ZNF475: variants seen among roughly 807,000 people sequenced by gnomAD.
ZNF475 encodes the protein zinc finger protein 475.
At chr5:122,173,645 A>G in the ZNF475 span, among the ~76,000 whole-genome samples, 9 of 152,232 alleles carry the variant, frequency 5.9e-5, no homozygotes, top group Admixed American at 5.9e-4. Flanking sequence ...GATAATTCCA[A>G]ATAGTGGCCA....
the ZNF475 span, among the ~76,000 whole-genome samples, chr5:122,168,582 C>G: frequency 6.6e-6 from 1 of 152,104 alleles, no homozygotes; most frequent in Non-Finnish European, 1.5e-5. Flanking sequence ...GCATGGCGGC[C>G]GGCGCCTGTA....
At chr5:122,169,816 A>G in the ZNF475 span, among the ~76,000 whole-genome samples, 2 of 152,210 alleles carry the variant, frequency 1.3e-5, no homozygotes, top group Non-Finnish European at 2.9e-5. Flanking sequence ...AAATAAGATG[A>G]CTAGTACCAT....
chr5:122,175,212 T>C, the ZNF475 span, among the ~76,000 whole-genome samples: 29 of 152,358 alleles, frequency 1.9e-4, no homozygotes, highest in African/African-American at 6.5e-4. Flanking sequence ...GATTTATTCA[T>C]CTAAAATCTC....
chr5:122,160,589 G>A, the ZNF475 span, among the ~76,000 whole-genome samples: 3 of 152,082 alleles, frequency 2.0e-5, no homozygotes, highest in Non-Finnish European at 2.9e-5. Context: ...AGCAAAAATA[G>A]GTGCTCTTTC....
chr5:122,181,641 T>A, the ZNF475 span, among the ~76,000 whole-genome samples: 1 of 152,356 alleles, frequency 6.6e-6, no homozygotes, highest in East Asian at 1.9e-4. Flanking sequence ...TAATCTATGT[T>A]GTGCCAAAGA....
chr5:122,167,696 A>T, the ZNF475 span, among the ~76,000 whole-genome samples: 1 of 152,222 alleles, frequency 6.6e-6, no homozygotes. Flanking sequence ...TCCTTTAAAC[A>T]TGTGCAATTC....
At chr5:122,176,697 T>C in the ZNF475 span, among the ~76,000 whole-genome samples, 2 of 152,216 alleles carry the variant, frequency 1.3e-5, no homozygotes, top group Non-Finnish European at 2.9e-5. Context: ...TACTCTGCCC[T>C]TTTCTTGTGG....
At chr5:122,173,759 G>T in the ZNF475 span, among the ~76,000 whole-genome samples, 224 of 152,266 alleles carry the variant, frequency 1.5e-3, no homozygotes, top group African/African-American at 5.1e-3. Flanking sequence ...AACTTTCCCA[G>T]GAAACTGAGA....
the ZNF475 span, among the ~76,000 whole-genome samples, chr5:122,168,227 A>G: frequency 6.6e-6 from 1 of 152,044 alleles, no homozygotes; most frequent in Non-Finnish European, 1.5e-5. Context: ...GTATTTTTGT[A>G]GAGATGAGGT....
the ZNF475 span, chr5:122,182,518 T>C: frequency 1.3e-6 from 2 of 1,529,070 alleles, no homozygotes; most frequent in South Asian, 2.4e-5. Context: ...CTTGATGCTT[T>C]AAATGAAGCT....
chr5:122,179,005 T>C, the ZNF475 span, among the ~76,000 whole-genome samples: 1 of 152,200 alleles, frequency 6.6e-6, no homozygotes, highest in African/African-American at 2.4e-5. Flanking sequence ...CCTTTCCCCA[T>C]TGCTTATTTT....
the ZNF475 span, among the ~76,000 whole-genome samples, chr5:122,175,231 C>T: frequency 6.6e-6 from 1 of 152,072 alleles, no homozygotes; most frequent in African/African-American, 2.4e-5. Flanking sequence ...TCTTTTTATG[C>T]CTGGTAATCA....
the ZNF475 span, chr5:122,162,304 T>TTG: frequency 6.6e-6 from 1 of 152,216 alleles, no homozygotes; most frequent in South Asian, 2.1e-4. Context: ...GATTGGGAAA[T>TTG]TCTTTTACAC....
chr5:122,171,319 T>C, the ZNF475 span, among the ~76,000 whole-genome samples: 56 of 152,230 alleles, frequency 3.7e-4, no homozygotes, highest in African/African-American at 1.3e-3. Flanking sequence ...ATCCAAGCCA[T>C]TAGGAAAGTA....
chr5:122,180,276 C>T, the ZNF475 span, among the ~76,000 whole-genome samples: 3 of 152,192 alleles, frequency 2.0e-5, no homozygotes, highest in African/African-American at 7.2e-5. Context: ...CATCAGCTCG[C>T]TCTATAGGAG....
At chr5:122,178,578 G>A in the ZNF475 span, among the ~76,000 whole-genome samples, 1 of 152,048 alleles carries the variant, frequency 6.6e-6, no homozygotes, top group Non-Finnish European at 1.5e-5. Flanking sequence ...TTTTTGATGG[G>A]GTTGCTTGTT....
At chr5:122,160,685 A>G in the ZNF475 span, among the ~76,000 whole-genome samples, 31 of 152,198 alleles carry the variant, frequency 2.0e-4, no homozygotes, top group Admixed American at 1.3e-3. Context: ...AGAGAATCAC[A>G]TATTATAAAT....
At chr5:122,165,191 G>A in the ZNF475 span, among the ~76,000 whole-genome samples, 137 of 152,308 alleles carry the variant, frequency 9.0e-4, no homozygotes, top group African/African-American at 3.1e-3. Context: ...TGGGCCTCAC[G>A]TGAATCAGTC....
chr5:122,163,697 A>T, the ZNF475 span, among the ~76,000 whole-genome samples: 1 of 152,220 alleles, frequency 6.6e-6, no homozygotes, highest in African/African-American at 2.4e-5. Flanking sequence ...CCTTGGCAAG[A>T]TGTGCCCTGT....
Sources: allele counts gnomAD v4.1 joint callset (sites outside exome capture counted in the v4.1 genomes callset), GRCh38; gene constraint gnomAD v4.1.1; transcripts MANE v1.5; gene names NCBI Gene and HGNC (gene_info 2026-07-23, HGNC 2026-07-21).